The following CNTN6 variants were observed in gnomAD, a reference collection of about 807,000 sequenced individuals.
CNTN6 encodes the protein contactin 6, also known as contactin-6.
CNTN6 carries 137 observed loss-of-function variants against 122.8 expected under a neutral mutation model. The ratio of observed to expected loss-of-function variants is 1.12; its 90% CI spans 0.97 to 1.29. CNTN6 has a LOEUF of 1.29. Among genes scored for constraint, CNTN6 ranks in the 50% most tolerant of loss-of-function variants. The probability of loss-of-function intolerance (pLI) is 0.00; values close to 1 mark genes in which losing one functional copy is unlikely to be tolerated. For synonymous variants in CNTN6, 570 were observed against 426.0 expected, an observed-to-expected ratio of 1.34 and a Z score of -4.16; for missense variants, 1,634 against 1,223.4, an observed-to-expected ratio of 1.34 and a Z score of -5.01.
At chr3:1,237,436 C>T (rs1305010788) in intron 4 of CNTN6, among the ~76,000 whole-genome samples, 1 of 152,004 alleles carries the variant, frequency 6.6e-6, no homozygotes, top group African/African-American at 2.4e-5. Flanking sequence ...ATTGGTGTTC[C>T]CGAGGAAGAA....
At chr3:1,362,238 C>A (rs1056653907) in intron 12 of CNTN6, among the ~76,000 whole-genome samples, 1 of 152,024 alleles carries the variant, frequency 6.6e-6, no homozygotes, top group African/African-American at 2.4e-5. Flanking sequence ...ACTATAAAAT[C>A]ACTTACATTT....
At chr3:1,176,943 A>G (rs2093462310) in intron 2 of CNTN6, among the ~76,000 whole-genome samples, 1 of 152,178 alleles carries the variant, frequency 6.6e-6, no homozygotes, top group African/African-American at 2.4e-5. Context: ...TTCTACTACA[A>G]CCAAGTGATC....
intron 20 of CNTN6, among the ~76,000 whole-genome samples, chr3:1,401,117 T>C (rs1282872042): frequency 1.1e-5 from 1 of 93,914 alleles, no homozygotes; most frequent in East Asian, 2.0e-4. Context: ...AATGGAATCC[T>C]AGATAAAGAG....
intron 20 of CNTN6, among the ~76,000 whole-genome samples, chr3:1,388,260 C>A (rs1410635789): frequency 2.0e-5 from 3 of 149,058 alleles, no homozygotes; most frequent in East Asian, 3.9e-4. Context: ...GACCCCTGAC[C>A]CCCGAGCAGC....
chr3:1,162,465 G>A (rs1021619677), intron 2 of CNTN6, among the ~76,000 whole-genome samples: 3 of 152,184 alleles, frequency 2.0e-5, no homozygotes, highest in African/African-American at 7.2e-5. Context: ...AGAGGGAGAA[G>A]TGTGTTCTAA....
intron 2 of CNTN6, among the ~76,000 whole-genome samples, chr3:1,160,865 C>T (rs2093117908): frequency 6.6e-6 from 1 of 151,758 alleles, no homozygotes; most frequent in African/African-American, 2.4e-5. Context: ...GTAAGCAAGT[C>T]GTTTAAACAC....
chr3:1,377,104 G>A, intron 17 of CNTN6, 29 bp downstream of exon 17: 1 of 1,474,064 alleles, frequency 6.8e-7, no homozygotes. Flanking sequence ...GAGTTATTTT[G>A]AAGAAAAGAG....
At position 1,389,435 on chromosome 3, in the gene CNTN6, C is replaced by T. The variant is rs867467361; in HGVS notation, c.2704+3638C>T. ...AAGCACTAAACATGGAAAGGAACAA[C>T]CGGTACCAGCCGCTGCAAAATCATG... On this transcript the variant is annotated intron_variant, in intron 20 of 22. Coordinates refer to ENST00000446702, the MANE Select transcript of CNTN6 (RefSeq NM_001289080.2). Among the ~76,000 whole-genome samples, 85 of 152,090 alleles carry T rather than the reference C, an allele frequency of 5.6e-4. 1 individual carries two copies. In the Middle Eastern group the frequency reaches 0.01, roughly 18 times the overall value.
chr3:1,116,792 C>G (rs921908343), intron 1 of CNTN6, among the ~76,000 whole-genome samples: 1 of 144,356 alleles, frequency 6.9e-6, no homozygotes, highest in African/African-American at 2.6e-5. Flanking sequence ...GCAACCTCTG[C>G]TTCCCAGGTT....
At chr3:1,388,040 C>G (rs566902892) in intron 20 of CNTN6, among the ~76,000 whole-genome samples, 10 of 151,312 alleles carry the variant, frequency 6.6e-5, no homozygotes, top group Non-Finnish European at 1.5e-5. Context: ...CCAGGAAGCT[C>G]CAACTGGGTG....
At chr3:1,378,817 C>G (rs1475101174) in intron 17 of CNTN6, among the ~76,000 whole-genome samples, 1 of 152,158 alleles carries the variant, frequency 6.6e-6, no homozygotes, top group Non-Finnish European at 1.5e-5. Flanking sequence ...GTATTACAAT[C>G]CCAATTGTCT....
intron 12 of CNTN6, 102 bp from the exon 13 acceptor site, chr3:1,372,197 T>G: frequency 1.2e-6 from 1 of 858,054 alleles, no homozygotes; most frequent in Middle Eastern, 2.7e-4. Context: ...CAGGTTGCAT[T>G]TATATAATTT....
chr3:1,350,061 A>G (rs1251589598), intron 11 of CNTN6, among the ~76,000 whole-genome samples: 2 of 151,886 alleles, frequency 1.3e-5, no homozygotes, highest in Non-Finnish European at 2.9e-5. Flanking sequence ...AATTATTTTC[A>G]TAAGATCATA....
chr3:1,274,108 A>G (rs938916330), intron 4 of CNTN6, among the ~76,000 whole-genome samples: 1 of 152,174 alleles, frequency 6.6e-6, no homozygotes, highest in Non-Finnish European at 1.5e-5. Context: ...AAACCTTAAA[A>G]TTGTCACCTA....
At chr3:1,277,053 G>C (rs1165605584) in intron 4 of CNTN6, among the ~76,000 whole-genome samples, 1 of 152,122 alleles carries the variant, frequency 6.6e-6, no homozygotes. Flanking sequence ...ATTTTTGCTT[G>C]CCATATTTAG....
At position 1,259,769 on chromosome 3, in the gene CNTN6, A is replaced by C. The variant is rs12489745; in HGVS notation, c.359-18644A>C. ...CTATATCTACATCAAAATTATTTTG[A>C]GAATCTATTAAATTACCTAATGTAG... On this transcript the variant is annotated intron_variant, in intron 4 of 22. Coordinates refer to ENST00000446702, the MANE Select transcript of CNTN6 (RefSeq NM_001289080.2). 3.3e-5 allele frequency among the ~76,000 whole-genome samples: 5 copies of C among 152,180 alleles called. No individual in the cohort carries two copies. The South Asian group carries it at 6.2e-4, about 19-fold the overall frequency.
intron 5 of CNTN6, among the ~76,000 whole-genome samples, chr3:1,287,071 C>G (rs769475253): frequency 6.6e-6 from 1 of 152,132 alleles, no homozygotes; most frequent in African/African-American, 2.4e-5. Flanking sequence ...ATTCATAAAG[C>G]ACGTTCTTAG....
chr3:1,134,675 GT>G (rs918057289), intron 1 of CNTN6, among the ~76,000 whole-genome samples: 10 of 151,122 alleles, frequency 6.6e-5, no homozygotes, highest in Admixed American at 1.3e-4. Context: ...CCTGAGTTTT[GT>G]TTTTTTTGTT....
Position 1,403,761 on chromosome 3 carries a change from T to A in CNTN6, c.*343T>A, listed in dbSNP as rs1231052427. On this transcript the variant is annotated 3_prime_UTR_variant, in exon 23 of 23. Transcript: ENST00000446702. ...AAACTTGGCTCCTAGTTACCATAAC[T>A]CACATGTACATTTTTATGTATTCCA... 1 of 161,090 alleles carries A rather than the reference T, an allele frequency of 6.2e-6. No individual in the cohort carries two copies. Among genetic ancestry groups the A allele is most frequent in the South Asian group, 2.0e-4 (1 of 5,042 alleles). 10.0% of individuals were successfully genotyped at this position (161,090 alleles called of 1,614,324 possible). A position where few individuals can be genotyped will look rare whatever the true frequency, so the allele number is the denominator to read the frequency against.
Sources: gnomAD v4.1 joint callset for allele counts (sites outside exome capture counted in the v4.1 genomes callset) on GRCh38, gnomAD v4.1.1 for gene constraint, MANE v1.5 for transcripts, NCBI Gene and HGNC (gene_info 2026-07-23, HGNC 2026-07-21) for gene names.